ARHGAP26: variants seen among roughly 807,000 people sequenced by gnomAD.
ARHGAP26 encodes rho GTPase-activating protein 26.
Under a neutral mutation model 104.8 loss-of-function variants are expected in ARHGAP26, and 38 were observed. The ratio of observed to expected loss-of-function variants is 0.36; its 90% confidence interval spans 0.28 to 0.48. The LOEUF is 0.48. ARHGAP26 is among the 20% of genes least tolerant of loss of function. The probability of loss-of-function intolerance (pLI) is 0.99; values close to 1 mark genes in which losing one functional copy is unlikely to be tolerated. For synonymous variants in ARHGAP26, 341 were observed against 340.0 expected (o/e 1.00, Z -0.03); for missense variants, 704 against 947.9 (o/e 0.74, Z 3.38).
intron 10 of ARHGAP26, among the ~76,000 whole-genome samples, chr5:142,915,185 T>C (rs1336706774): frequency 6.6e-6 from 1 of 151,920 alleles, no homozygotes; most frequent in Non-Finnish European, 1.5e-5. Context: ...CCTTTATGAC[T>C]CCCACAACAG....
intron 1 of ARHGAP26, among the ~76,000 whole-genome samples, chr5:142,781,129 AG>A (rs1306440074): frequency 6.6e-6 from 1 of 152,160 alleles, no homozygotes; most frequent in Non-Finnish European, 1.5e-5. Flanking sequence ...GCAGTTTAAA[AG>A]GGCCTCTGGG....
chr5:143,002,289 G>C (rs1195214924), intron 11 of ARHGAP26, among the ~76,000 whole-genome samples: 1 of 148,954 alleles, frequency 6.7e-6, no homozygotes. Flanking sequence ...CCATCCCGAG[G>C]AATTTCTCAT....
intron 20 of ARHGAP26, among the ~76,000 whole-genome samples, chr5:143,175,450 G>A (rs1347763375): frequency 1.3e-5 from 2 of 151,900 alleles, no homozygotes; most frequent in Non-Finnish European, 2.9e-5. Context: ...TTTTTCTTTT[G>A]TAAGTATGTA....
intron 21 of ARHGAP26, chr5:143,207,527 G>A: frequency 1.3e-6 from 2 of 1,594,304 alleles, no homozygotes; most frequent in Non-Finnish European, 8.6e-7. Context: ...GCTGGCCAGG[G>A]ACAACAGGGG....
At chr5:142,856,647 C>T (rs1186944585) in intron 1 of ARHGAP26, among the ~76,000 whole-genome samples, 3 of 152,184 alleles carry the variant, frequency 2.0e-5, no homozygotes, top group African/African-American at 7.2e-5. Flanking sequence ...TGCATCAGTA[C>T]TGAACATGTA....
At chr5:142,856,222 G>A (rs1185340229) in intron 1 of ARHGAP26, among the ~76,000 whole-genome samples, 1 of 152,206 alleles carries the variant, frequency 6.6e-6, no homozygotes, top group Non-Finnish European at 1.5e-5. Flanking sequence ...GCACACAGTG[G>A]GGGCCAGCCT....
intron 20 of ARHGAP26, among the ~76,000 whole-genome samples, chr5:143,198,194 G>A (rs943940415): frequency 1.3e-5 from 2 of 152,152 alleles, no homozygotes; most frequent in Non-Finnish European, 2.9e-5. Context: ...GTGGAGAAAG[G>A]CAATTGTACC....
chr5:142,805,106 C>CTT (rs532679996), intron 1 of ARHGAP26, among the ~76,000 whole-genome samples: 5 of 139,238 alleles, frequency 3.6e-5, no homozygotes, highest in Non-Finnish European at 6.3e-5. Flanking sequence ...CCTTTCTTTT[C>CTT]TTTTTTTTTT....
chr5:142,787,678 C>T (rs1758942614), intron 1 of ARHGAP26, among the ~76,000 whole-genome samples: 3 of 152,088 alleles, frequency 2.0e-5, no homozygotes, highest in Admixed American at 1.3e-4. Context: ...AAAAGCAATC[C>T]AAAAACCTGT....
chr5:142,811,135 A>G (rs1261492827), intron 1 of ARHGAP26, among the ~76,000 whole-genome samples: 1 of 152,222 alleles, frequency 6.6e-6, no homozygotes, highest in Non-Finnish European at 1.5e-5. Context: ...GGAAGTAAAA[A>G]TAGACCTACC....
intron 1 of ARHGAP26, among the ~76,000 whole-genome samples, chr5:142,796,357 A>G (rs28369449): frequency 0.047 from 7,170 of 152,250 alleles, 565 homozygotes; most frequent in African/African-American, 0.16. Context: ...TTAGGACCGT[A>G]GTTCTCTTAT....
chr5:142,932,177 G>C, intron 11 of ARHGAP26, 52 bp downstream of exon 11: 1 of 1,541,496 alleles, frequency 6.5e-7, no homozygotes, highest in Non-Finnish European at 9.0e-7. Flanking sequence ...TGAGTTGTTT[G>C]TTGCTTCCCT....
intron 4 of ARHGAP26, among the ~76,000 whole-genome samples, chr5:142,879,951 G>C (rs1158329201): frequency 6.6e-6 from 1 of 152,112 alleles, no homozygotes; most frequent in Non-Finnish European, 1.5e-5. Context: ...GCCCTCTCTT[G>C]CTGATTCTTT....
chr5:142,947,562 C>T (rs970597708), intron 11 of ARHGAP26, among the ~76,000 whole-genome samples: 7 of 152,138 alleles, frequency 4.6e-5, no homozygotes, highest in African/African-American at 1.7e-4. Context: ...TTGATCCTGT[C>T]TGTTATAACC....
chr5:142,911,684 G>A (rs1259422280), intron 9 of ARHGAP26, among the ~76,000 whole-genome samples: 4 of 152,196 alleles, frequency 2.6e-5, no homozygotes, highest in African/African-American at 9.6e-5. Context: ...CATGTATTTG[G>A]TGATCCTTTA....
intron 1 of ARHGAP26, among the ~76,000 whole-genome samples, chr5:142,823,075 G>A (rs1766508481): frequency 6.6e-6 from 1 of 152,156 alleles, no homozygotes; most frequent in Non-Finnish European, 1.5e-5. Context: ...TAACCTTATA[G>A]GGCAAGGGGC....
rs565128898 is a variant in ARHGAP26, at chr5:143,046,121, C to T, written c.1285+4231C>T. Reference sequence around the variant, plus strand: ...TGCACTCCAGCCTGGGCAACAAGAACGAAACTCCATCCCCAAAAATAAAAA... The same window carrying T: ...TGCACTCCAGCCTGGGCAACAAGAATGAAACTCCATCCCCAAAAATAAAAA... On this transcript the variant is annotated intron_variant, in intron 14 of 22. Transcript: ENST00000645722. 2.8e-4 allele frequency among the ~76,000 whole-genome samples: 42 copies of T among 151,232 alleles called. No homozygotes were observed. The South Asian group carries it at 2.9e-3, about 11-fold the overall frequency.
At chr5:142,788,972 A>G (rs1452722700) in intron 1 of ARHGAP26, among the ~76,000 whole-genome samples, 4 of 152,268 alleles carry the variant, frequency 2.6e-5, no homozygotes, top group South Asian at 4.1e-4. Context: ...CAACGGAAGC[A>G]TAGAGAGATT....
chr5:143,222,494 A>G lies in ARHGAP26; in HGVS notation c.*48A>G, dbSNP rs771097583. 6.8e-7 allele frequency: 1 copy of G among 1,462,434 alleles called. No individual in the cohort carries two copies. Among genetic ancestry groups the G allele is most frequent in the Admixed American group, 2.0e-5 (1 of 50,668 alleles). The allele number at this position is 1,462,434 out of a possible 1,614,324, so 90.6% of individuals were successfully genotyped here. A position where few individuals can be genotyped will look rare whatever the true frequency, so the allele number is the denominator to read the frequency against. ...TGAGCTTTACATGGTATCCATGACA[A>G]CTGCTGATTCCAGTGTCGAGGCCAT... On this transcript the variant is annotated 3_prime_UTR_variant, in exon 23 of 23. Transcript: ENST00000645722.
Sources: allele counts gnomAD v4.1 joint callset (sites outside exome capture counted in the v4.1 genomes callset), GRCh38; gene constraint gnomAD v4.1.1; transcripts MANE v1.5; gene names NCBI Gene and HGNC (gene_info 2026-07-23, HGNC 2026-07-21).